The following DNM1 variants were observed in gnomAD, a reference collection of about 807,000 sequenced individuals.
The protein encoded by DNM1 is dynamin-1.
In DNM1, 29 loss-of-function variants were observed where a neutral mutation model predicts 104.6. That is an observed-to-expected ratio of 0.28 (90% CI 0.21 to 0.38). The LOEUF is 0.38. Among genes scored for constraint, DNM1 ranks in the 10% least tolerant of loss-of-function variants. The pLI is 1.00. For synonymous variants in DNM1, 445 were observed against 475.8 expected (o/e 0.94, Z 0.84); for missense variants, 640 against 1,189.4 (o/e 0.54, Z 6.79).
At chr9:128,210,891 T>C (rs1265995760) in intron 1 of DNM1, among the ~76,000 whole-genome samples, 1 of 151,864 alleles carries the variant, frequency 6.6e-6, no homozygotes. Flanking sequence ...TCTTACCCAT[T>C]CCCTGGAATG....
At chr9:128,236,412 T>A (rs1822707885) in intron 11 of DNM1, among the ~76,000 whole-genome samples, 2 of 152,254 alleles carry the variant, frequency 1.3e-5, no homozygotes, top group Non-Finnish European at 2.9e-5. Flanking sequence ...GTCATATTTT[T>A]AAATCCTTAT....
intron 10 of DNM1, 133 bp from the exon 11 acceptor site, chr9:128,233,888 C>T: frequency 2.5e-6 from 2 of 786,760 alleles, no homozygotes; most frequent in Non-Finnish European, 4.3e-6. Context: ...CCCTAGGTCT[C>T]TCTTCCCCGC....
rs79386693 is a variant in DNM1, at chr9:128,213,149, T to G, written c.162-5082T>G. Among the ~76,000 whole-genome samples the G allele has an allele frequency of 3.5e-3, 536 of 152,304 alleles. 3 individuals are homozygous for G. Among genetic ancestry groups the G allele is most frequent in the African/African-American group, 0.012 (507 of 41,570 alleles). On this transcript the variant is annotated intron_variant, in intron 1 of 21. Coordinates refer to ENST00000372923, the MANE Select transcript of DNM1 (RefSeq NM_004408.4). ...CAGGCTGGAGTACAGCGGCAGGATC[T>G]CAGCTCACTGCAACCTCCACCTCCC...
rs555090372 is a variant in DNM1 at position 128,211,961 on chromosome 9, A to G, written c.162-6270A>G. Among the ~76,000 whole-genome samples the G allele has an allele frequency of 1.3e-4, 20 of 152,332 alleles. No homozygotes were observed. In the East Asian group the frequency reaches 3.9e-3, roughly 29 times the overall value. Reference sequence around the variant, plus strand: ...TGTTATTCTTTAATCACTCTGTCTCATGTGCCTCTCTTCTTAGGTCAGGGA... The same window carrying G: ...TGTTATTCTTTAATCACTCTGTCTCGTGTGCCTCTCTTCTTAGGTCAGGGA... On this transcript the variant is annotated intron_variant, in intron 1 of 21. Transcript: ENST00000372923.
intron 21 of DNM1, 72 bp downstream of exon 21, chr9:128,251,012 C>A: frequency 1.0e-6 from 1 of 997,160 alleles, no homozygotes; most frequent in Non-Finnish European, 1.5e-6. Flanking sequence ...GGGCTGGATT[C>A]CAGAGCATCG....
chr9:128,215,085 TGAGTGAG>T (rs1834526286), intron 1 of DNM1, among the ~76,000 whole-genome samples: 1 of 152,146 alleles, frequency 6.6e-6, no homozygotes. Context: ...AACCCGGAAG[TGAGTGAG>T]GAGCTCATTG....
In DNM1 at chr9:128,245,447, CA is replaced by C. The variant is rs531695199; in HGVS notation, c.1672-946del. 2.7e-3 allele frequency among the ~76,000 whole-genome samples: 417 copies of C among 152,110 alleles called. 1 individual carries two copies. Among genetic ancestry groups the C allele is most frequent in the African/African-American group, 9.5e-3 (393 of 41,476 alleles). On this transcript the variant is annotated intron_variant, in intron 15 of 21. Transcript: ENST00000372923. The surrounding 1 kb of genome is among the most constrained non-coding windows in gnomAD (Gnocchi z 5.2). ...GGTGACAAAAACCCCTCCCCTCTCC[CA>C]GAGCCCCATCCTGGGGTACCTCCTC...
intron 19 of DNM1, among the ~76,000 whole-genome samples, chr9:128,249,656 C>CA (rs36042863): frequency 0.25 from 32,837 of 129,384 alleles, 4,015 homozygotes; most frequent in African/African-American, 0.36. Flanking sequence ...AACTCCGTCT[C>CA]AAAAAAAAAA....
Position 128,245,482 on chromosome 9 carries a change from C to T in DNM1, c.1672-912C>T, listed in dbSNP as rs2131279146. Among the ~76,000 whole-genome samples the T allele has an allele frequency of 6.6e-6, 1 of 152,162 alleles. No individual in the cohort carries two copies. The highest frequency in any genetic ancestry group is 6.5e-5 in the Admixed American group (1 of 15,288). On this transcript the variant is annotated intron_variant, in intron 15 of 21. Coordinates refer to ENST00000372923, the MANE Select transcript of DNM1 (RefSeq NM_004408.4). The surrounding 1 kb of genome is among the most constrained non-coding windows in gnomAD (Gnocchi z 5.2). ...TCCTGGGGTACCTCCTCCCTAGATC[C>T]CTGAACCCCTCCCCTGGGACACAGC...
chr9:128,252,359 C>G (rs1047661478), intron 21 of DNM1: 7 of 376,504 alleles, frequency 1.9e-5, no homozygotes, highest in African/African-American at 4.2e-5. Flanking sequence ...TTTGGCAAAT[C>G]ATGACCCTAC....
Position 128,220,726 on chromosome 9 carries a change from A to AGCGCGCGCGCGCGC in DNM1, c.849+386_849+387insCGCGCGCGCGCGCG, listed in dbSNP as rs747195864. 1.5e-5 allele frequency among the ~76,000 whole-genome samples: 2 copies of AGCGCGCGCGCGCGC among 133,392 alleles called. No individual in the cohort carries two copies. The highest frequency in any genetic ancestry group is 3.3e-5 in the Non-Finnish European group (2 of 61,210). 87.5% of individuals were successfully genotyped at this position (133,392 alleles called of 152,430 possible). A position where few individuals can be genotyped will look rare whatever the true frequency, so the allele number is the denominator to read the frequency against. The stretch of plus-strand genomic sequence containing the variant: ...TCTGGAATGGGGCATCCAGAACTGA[A>AGCGCGCGCGCGCGC]GTGCGCGCGCGCGCGCGTGTGTGTG... On this transcript the variant is annotated intron_variant, in intron 6 of 21. Transcript: ENST00000372923. The surrounding 1 kb of genome is among the most constrained non-coding windows in gnomAD (Gnocchi z 5.2).
rs1187483118 is a variant in DNM1 at position 128,220,151 on chromosome 9, T to G, written c.689-30T>G. Reference sequence around the variant, plus strand: ...CCCACCCTTCCCCTCCTCTTGAGGCTGGTTGCCCTGACCTTGATACTGTTC... The same window carrying G: ...CCCACCCTTCCCCTCCTCTTGAGGCGGGTTGCCCTGACCTTGATACTGTTC... On this transcript the variant is annotated intron_variant, in intron 5 of 21. Coordinates refer to ENST00000372923, the MANE Select transcript of DNM1 (RefSeq NM_004408.4). This position sits in a 1 kb window ranked among gnomAD's most constrained non-coding sequence, Gnocchi z 5.2. 9 of 1,613,498 alleles carry G rather than the reference T, an allele frequency of 5.6e-6. No homozygotes were observed. The highest frequency in any genetic ancestry group is 7.6e-6 in the Non-Finnish European group (9 of 1,179,578).
chr9:128,223,011 G>A, intron 9 of DNM1, 151 bp downstream of exon 9: 2 of 762,224 alleles, frequency 2.6e-6, no homozygotes, highest in South Asian at 3.5e-5. Context: ...CTCCCTGCAT[G>A]ACAGGCTCCA....
Position 128,218,224 on chromosome 9 carries a change from A to AT in DNM1, c.162-5dup, listed in dbSNP as rs1834731338. On this transcript the variant is annotated splice_polypyrimidine_tract_variant and splice_region_variant and intron_variant, in intron 1 of 21. Transcript: ENST00000372923. This position sits in a 1 kb window ranked among gnomAD's most constrained non-coding sequence, Gnocchi z 4.8. The stretch of plus-strand genomic sequence containing the variant: ...TTGACCCTCCTTTGACCTCCAACTC[A>AT]TTGCAGGGACTTCTTGCCTCGAGGA... 1.9e-6 allele frequency: 3 copies of AT among 1,613,780 alleles called. No individual in the cohort carries two copies. In the African/African-American group the frequency reaches 4.0e-5, roughly 22 times the overall value.
chr9:128,244,750 A>T (rs1212521216), intron 15 of DNM1: 1 of 534,080 alleles, frequency 1.9e-6, no homozygotes, highest in Admixed American at 1.9e-5. Flanking sequence ...CAGCCTAACC[A>T]ATGTGCAGAC....
rs56072236 is a variant in DNM1 at position 128,229,600 on chromosome 9, CAAAAAAAAAA to C, written c.1336-4407_1336-4398del. ...ACTGGAAGACAGAGCAAAACCTTATCAAAAAAAAAAAAAAAAAAAAAAAGCTTGGCCAGGT... is the reference window on the plus strand; with the variant it reads ...ACTGGAAGACAGAGCAAAACCTTATCAAAAAAAAAAAAAGCTTGGCCAGGT... On this transcript the variant is annotated intron_variant, in intron 10 of 21. Transcript: ENST00000372923. 1.6e-4 allele frequency among the ~76,000 whole-genome samples: 11 copies of C among 66,700 alleles called. No homozygotes were observed. The South Asian group carries it at 3.8e-3, about 23-fold the overall frequency. 43.8% of individuals were successfully genotyped at this position (66,700 alleles called of 152,430 possible).
Position 128,218,922 on chromosome 9 carries a change from G to A in DNM1, c.386-127G>A. The A allele has an allele frequency of 7.6e-7, 1 of 1,308,980 alleles. No homozygotes were observed. The highest frequency in any genetic ancestry group is 1.0e-6 in the Non-Finnish European group (1 of 956,760). The allele number at this position is 1,308,980 out of a possible 1,614,324, so 81.1% of individuals were successfully genotyped here. On this transcript the variant is annotated intron_variant, in intron 3 of 21. Transcript: ENST00000372923. The surrounding 1 kb of genome is among the most constrained non-coding windows in gnomAD (Gnocchi z 4.8). The stretch of plus-strand genomic sequence containing the variant: ...TCCAACAGACTGCCACTTTCGCCCT[G>A]AGATTTCCTAGTCCCACCCACCTGC...
chr9:128,228,275 T>C (rs1835464664), intron 10 of DNM1, among the ~76,000 whole-genome samples: 1 of 152,098 alleles, frequency 6.6e-6, no homozygotes, highest in Admixed American at 6.6e-5. Context: ...ACCCCTGACC[T>C]CAAGTGATCC....
At chr9:128,233,686 TTAACC>T (rs1216303303) in intron 10 of DNM1, 1 of 369,740 alleles carries the variant, frequency 2.7e-6, no homozygotes, top group East Asian at 6.5e-5. Flanking sequence ...CCCAGAGGCC[TTAACC>T]TAACCAGTCT....
Sources: gnomAD v4.1 joint callset for allele counts (sites outside exome capture counted in the v4.1 genomes callset) on GRCh38, gnomAD v4.1.1 for gene constraint, Gnocchi (gnomAD v3.1) non-coding constraint, MANE v1.5 for transcripts, NCBI Gene and HGNC (gene_info 2026-07-23, HGNC 2026-07-21) for gene names.